Variants in PTPRD observed in about 807,000 individuals in gnomAD.
PTPRD encodes the protein receptor-type tyrosine-protein phosphatase delta.
In PTPRD, 34 loss-of-function variants were observed where a neutral mutation model predicts 214.5. The observed-to-expected ratio is 0.16, with a 90% confidence interval of 0.12 to 0.21. The LOEUF (loss-of-function observed/expected upper bound fraction) is 0.21. Among genes scored for constraint, PTPRD ranks in the 10% least tolerant of loss-of-function variants. The probability of loss-of-function intolerance (pLI) is 1.00; values close to 1 mark genes in which losing one functional copy is unlikely to be tolerated. For missense variants in PTPRD, 2,545 were observed against 2,398.7 expected (o/e 1.06, Z -1.27); for synonymous variants, 1,128 against 845.7 (o/e 1.33, Z -5.79).
intron 12 of PTPRD, among the ~76,000 whole-genome samples, chr9:8,733,385 T>C (rs1479787613): frequency 6.6e-6 from 1 of 152,166 alleles, no homozygotes; most frequent in African/African-American, 2.4e-5. Context: ...TGTGCATTTT[T>C]CTAAACACGG....
At chr9:9,262,064 G>A (rs1338031756) in intron 9 of PTPRD, among the ~76,000 whole-genome samples, 1 of 151,596 alleles carries the variant, frequency 6.6e-6, no homozygotes, top group African/African-American at 2.4e-5. Context: ...TGAGGAAAAG[G>A]AATATTAACA....
intron 14 of PTPRD, among the ~76,000 whole-genome samples, chr9:8,573,185 T>A (rs938242858): frequency 6.6e-6 from 1 of 152,010 alleles, no homozygotes; most frequent in Non-Finnish European, 1.5e-5. Flanking sequence ...GACAACTCAG[T>A]GCTGCCATTT....
At chr9:8,771,599 T>A (rs1333941865) in intron 11 of PTPRD, among the ~76,000 whole-genome samples, 1 of 152,168 alleles carries the variant, frequency 6.6e-6, no homozygotes, top group Non-Finnish European at 1.5e-5. Context: ...ACTTGGAGAT[T>A]TGTGGAGTGG....
chr9:9,852,655 GATT>G lies in PTPRD; in HGVS notation c.-367-85807_-367-85805del, dbSNP rs368473321. Among the ~76,000 whole-genome samples, 23 of 151,962 alleles carry G rather than the reference GATT, an allele frequency of 1.5e-4. No individual in the cohort carries two copies. In the South Asian group the frequency reaches 4.8e-3, roughly 32 times the overall value. ...ATATTGTCTTTATAAATAAGATAAA[GATT>G]ATTCCTTTTTTCTTTTAAACTTTTA... On this transcript the variant is annotated intron_variant, in intron 5 of 45. Coordinates refer to ENST00000381196, the MANE Select transcript of PTPRD (RefSeq NM_002839.4).
At chr9:9,996,939 C>T (rs750169232) in intron 4 of PTPRD, among the ~76,000 whole-genome samples, 58 of 152,128 alleles carry the variant, frequency 3.8e-4, no homozygotes, top group Non-Finnish European at 6.3e-4. Flanking sequence ...CATTTGGAAA[C>T]ATTTAACAAA....
intron 11 of PTPRD, among the ~76,000 whole-genome samples, chr9:8,992,858 C>G (rs781768049): frequency 1.3e-5 from 2 of 152,102 alleles, no homozygotes; most frequent in African/African-American, 4.8e-5. Flanking sequence ...AAACTGAAGA[C>G]CTCATCAAGC....
At chr9:9,741,064 T>G (rs2098394516) in intron 6 of PTPRD, among the ~76,000 whole-genome samples, 1 of 152,188 alleles carries the variant, frequency 6.6e-6, no homozygotes, top group African/African-American at 2.4e-5. Context: ...AAGAAGATTT[T>G]GGGCAACCGG....
At chr9:9,437,539 A>C (rs545290746) in intron 8 of PTPRD, among the ~76,000 whole-genome samples, 12 of 152,282 alleles carry the variant, frequency 7.9e-5, no homozygotes, top group African/African-American at 2.6e-4. Flanking sequence ...ATTATCTGGC[A>C]GATTTTTCTG....
chr9:10,511,928 A>ACGTG lies in PTPRD; in HGVS notation c.-600+100469_-600+100470insCACG, dbSNP rs1285550036. Among the ~76,000 whole-genome samples, 7 of 103,938 alleles carry ACGTG rather than the reference A, an allele frequency of 6.7e-5. 1 individual carries two copies. The highest frequency in any genetic ancestry group is 6.0e-4 in the East Asian group (2 of 3,334). The allele number at this position is 103,938 out of a possible 152,430, so 68.2% of individuals were successfully genotyped here. ...CATATATATATACGTGTATATATAT[A>ACGTG]TACGTGTATATATATATACGTGTGT... On this transcript the variant is annotated intron_variant, in intron 2 of 45. Coordinates refer to ENST00000381196, the MANE Select transcript of PTPRD (RefSeq NM_002839.4).
intron 7 of PTPRD, among the ~76,000 whole-genome samples, chr9:9,578,774 A>G (rs1330354696): frequency 6.6e-6 from 1 of 152,082 alleles, no homozygotes; most frequent in Non-Finnish European, 1.5e-5. Context: ...TGCCTGAATA[A>G]ACTACAAAAA....
intron 11 of PTPRD, among the ~76,000 whole-genome samples, chr9:8,938,064 T>C (rs1282365749): frequency 1.3e-5 from 2 of 152,136 alleles, no homozygotes; most frequent in African/African-American, 4.8e-5. Context: ...GGCAGACAAA[T>C]GAACAATTTT....
At chr9:9,069,485 ACTGAC>A (rs1264203425) in intron 10 of PTPRD, among the ~76,000 whole-genome samples, 1 of 152,232 alleles carries the variant, frequency 6.6e-6, no homozygotes, top group African/African-American at 2.4e-5. Context: ...TTAAAGCATT[ACTGAC>A]AGAATGTAGT....
chr9:10,218,713 T>A lies in PTPRD; in HGVS notation c.-545+122250A>T, dbSNP rs548142216. On this transcript the variant is annotated intron_variant, in intron 3 of 45. Coordinates refer to ENST00000381196, the MANE Select transcript of PTPRD (RefSeq NM_002839.4). ...AATAGACATAAAGAAATGTCTGGTATAAAGTTCACCAAATGCACTGGATAT... is the reference window on the plus strand; with the variant it reads ...AATAGACATAAAGAAATGTCTGGTAAAAAGTTCACCAAATGCACTGGATAT... Among the ~76,000 whole-genome samples the A allele has an allele frequency of 1.5e-4, 23 of 151,998 alleles. 1 individual carries two copies. In the South Asian group the frequency reaches 4.8e-3, roughly 32 times the overall value.
At chr9:9,443,508 G>C (rs778789195) in intron 8 of PTPRD, among the ~76,000 whole-genome samples, 10 of 152,188 alleles carry the variant, frequency 6.6e-5, no homozygotes, top group Non-Finnish European at 1.2e-4. Context: ...GTTTGACTTT[G>C]CCAGATCAAG....
Position 9,449,085 on chromosome 9 carries a change from A to G in PTPRD, c.-236-51603T>C, listed in dbSNP as rs191067443. Among the ~76,000 whole-genome samples the G allele has an allele frequency of 8.5e-5, 13 of 152,222 alleles. No homozygotes were observed. The East Asian group carries it at 2.3e-3, about 27-fold the overall frequency. ...AGAAAGCCTACTGTTGTCTGAAATT[A>G]TCTTTACTTCTATACTGCCGCTGGC... On this transcript the variant is annotated intron_variant, in intron 8 of 45. Coordinates refer to ENST00000381196, the MANE Select transcript of PTPRD (RefSeq NM_002839.4).
chr9:10,604,759 G>C (rs1443127277), intron 2 of PTPRD, among the ~76,000 whole-genome samples: 1 of 151,888 alleles, frequency 6.6e-6, no homozygotes, highest in Non-Finnish European at 1.5e-5. Context: ...AGGTACCATA[G>C]ATAAGTGTTA....
chr9:8,707,361 A>G (rs2098231791), intron 12 of PTPRD, among the ~76,000 whole-genome samples: 1 of 152,246 alleles, frequency 6.6e-6, no homozygotes, highest in Non-Finnish European at 1.5e-5. Flanking sequence ...AAAAGCAAGT[A>G]ATGGACCAAA....
In PTPRD at chr9:8,619,204, G is replaced by A. The variant is rs537544779; in HGVS notation, c.352+14113C>T. On this transcript the variant is annotated intron_variant, in intron 14 of 45. Transcript: ENST00000381196. ...TTACATAGTTACCACTTTTGTGTTT[G>A]AGAATACTTTGTACCCATTCTCTTA... Among the ~76,000 whole-genome samples, 6 of 152,010 alleles carry A rather than the reference G, an allele frequency of 3.9e-5. No individual in the cohort carries two copies. In the South Asian group the frequency reaches 1.2e-3, roughly 32 times the overall value.
intron 2 of PTPRD, among the ~76,000 whole-genome samples, chr9:10,518,307 G>C (rs111900345): frequency 0.034 from 5,153 of 152,172 alleles, 115 homozygotes; most frequent in Middle Eastern, 0.068. Context: ...CTGGCGTATG[G>C]TTGTACATCT....
Sources: allele counts gnomAD v4.1 joint callset (sites outside exome capture counted in the v4.1 genomes callset), GRCh38; gene constraint gnomAD v4.1.1; transcripts MANE v1.5; gene names NCBI Gene and HGNC (gene_info 2026-07-23, HGNC 2026-07-21).